The following CELF2 variants were observed in gnomAD, a reference collection of about 807,000 sequenced individuals.
CELF2 encodes the protein CUGBP Elav-like family member 2.
Under a neutral mutation model 62.6 loss-of-function variants are expected in CELF2, and 8 were observed. The observed-to-expected ratio is 0.13, with a 90% confidence interval of 0.07 to 0.23. The LOEUF is 0.23. Among genes scored for constraint, CELF2 ranks in the 10% least tolerant of loss-of-function variants. The pLI, the probability that CELF2 is intolerant of heterozygous loss-of-function variation, is 1.00. For synonymous variants in CELF2, 258 were observed against 250.0 expected (o/e 1.03, Z -0.30); for missense variants, 333 against 671.0 (o/e 0.50, Z 5.56).
the CELF2 span, among the ~76,000 whole-genome samples, chr10:10,602,113 C>T: frequency 6.6e-6 from 1 of 152,080 alleles, no homozygotes; most frequent in Non-Finnish European, 1.5e-5. Flanking sequence ...TGTATATGTA[C>T]AACATTTTCT....
chr10:11,245,651 A>G (rs1054628360), intron 3 of CELF2, among the ~76,000 whole-genome samples: 1 of 152,234 alleles, frequency 6.6e-6, no homozygotes, highest in African/African-American at 2.4e-5. Flanking sequence ...ACGGCAGCAC[A>G]AGCCAATTCT....
the CELF2 span, among the ~76,000 whole-genome samples, chr10:10,638,357 T>TTATC: frequency 1.4e-5 from 2 of 138,892 alleles, no homozygotes; most frequent in East Asian, 3.9e-4. Context: ...ACTCATTCAC[T>TTATC]TATCCATCCA....
chr10:10,617,531 G>A, the CELF2 span, among the ~76,000 whole-genome samples: 1 of 152,130 alleles, frequency 6.6e-6, no homozygotes, highest in Non-Finnish European at 1.5e-5. Flanking sequence ...CTTAGAGAGG[G>A]TGCCTAGCAC....
intron 8 of CELF2, among the ~76,000 whole-genome samples, chr10:11,286,143 G>A (rs1049160333): frequency 6.6e-6 from 1 of 152,240 alleles, no homozygotes; most frequent in African/African-American, 2.4e-5. Context: ...CTCCATGGCT[G>A]TGAGGCCTTG....
chr10:11,018,197 G>C (rs775096079), intron 1 of CELF2, 34 bp downstream of exon 1: 1 of 1,492,600 alleles, frequency 6.7e-7, no homozygotes, highest in Non-Finnish European at 9.0e-7. Context: ...CCGGGCGAGC[G>C]GGCGTCCTCC....
chr10:10,715,988 T>C, the CELF2 span, among the ~76,000 whole-genome samples: 2 of 152,212 alleles, frequency 1.3e-5, no homozygotes, highest in African/African-American at 4.8e-5. Context: ...TACAGTTCTC[T>C]CTGCATTTTA....
chr10:10,736,357 A>ATTCTTTCTTTCTTTCTTTCTTTCT, the CELF2 span, among the ~76,000 whole-genome samples: 42 of 109,664 alleles, frequency 3.8e-4, no homozygotes, highest in Non-Finnish European at 6.1e-4. Flanking sequence ...ACTGATTTCT[A>ATTCTTTCTTTCTTTCTTTCTTTCT]TTCTTTCTTT....
At chr10:10,673,759 G>GT in the CELF2 span, among the ~76,000 whole-genome samples, 1 of 152,052 alleles carries the variant, frequency 6.6e-6, no homozygotes, top group Non-Finnish European at 1.5e-5. Context: ...GGCTCAAAAT[G>GT]TTTTTTAAAT....
chr10:11,197,029 GAAA>G (rs1334566434), intron 2 of CELF2, among the ~76,000 whole-genome samples: 3 of 17,550 alleles, frequency 1.7e-4, no homozygotes, highest in African/African-American at 1.0e-3. Flanking sequence ...AGAAAGAAAA[GAAA>G]GAAAGAAAGA....
the CELF2 span, among the ~76,000 whole-genome samples, chr10:10,555,012 A>G: frequency 6.6e-6 from 1 of 152,202 alleles, no homozygotes; most frequent in Non-Finnish European, 1.5e-5. Flanking sequence ...TTCCAGGGGC[A>G]TTAAAAAGAG....
the CELF2 span, among the ~76,000 whole-genome samples, chr10:10,651,227 C>T: frequency 8.1e-6 from 1 of 124,212 alleles, no homozygotes; most frequent in African/African-American, 2.9e-5. Flanking sequence ...CCTATGCCCA[C>T]AGAATCTCGC....
the CELF2 span, among the ~76,000 whole-genome samples, chr10:10,780,838 G>T: frequency 2.0e-5 from 3 of 152,198 alleles, no homozygotes; most frequent in East Asian, 5.8e-4. Flanking sequence ...ATTTGCAGGG[G>T]TTTGTATTTG....
At chr10:11,107,196 T>A (rs1290918486) in intron 1 of CELF2, among the ~76,000 whole-genome samples, 1 of 152,158 alleles carries the variant, frequency 6.6e-6, no homozygotes, top group Non-Finnish European at 1.5e-5. Context: ...CCAACTCAGG[T>A]GTCCCTGAGG....
intron 2 of CELF2, among the ~76,000 whole-genome samples, chr10:11,210,093 C>T (rs1028220411): frequency 4.6e-5 from 7 of 152,120 alleles, no homozygotes; most frequent in Admixed American, 2.6e-4. Flanking sequence ...TCAAAGGCAG[C>T]GTGTAAAGGA....
chr10:11,088,668 G>A (rs926623726), intron 1 of CELF2, among the ~76,000 whole-genome samples: 8 of 152,202 alleles, frequency 5.3e-5, no homozygotes, highest in Admixed American at 2.6e-4. Context: ...TGTTGGGTGT[G>A]GTGGGTACTG....
At chr10:10,982,111 A>G (rs1423631655) in intron 2 of CELF2, among the ~76,000 whole-genome samples, 1 of 151,990 alleles carries the variant, frequency 6.6e-6, no homozygotes, top group Non-Finnish European at 1.5e-5. Flanking sequence ...GCCCACCACC[A>G]TGGCTGGCTA....
the CELF2 span, among the ~76,000 whole-genome samples, chr10:10,678,048 TGCAA>T: frequency 3.9e-5 from 6 of 152,174 alleles, no homozygotes; most frequent in Admixed American, 3.9e-4. Context: ...AGACTACTGG[TGCAA>T]GCCTGTGACA....
the CELF2 span, among the ~76,000 whole-genome samples, chr10:10,757,113 G>T: frequency 2.6e-5 from 4 of 151,844 alleles, no homozygotes; most frequent in African/African-American, 9.7e-5. Context: ...CTGCATTCCA[G>T]CCTGGGCAAC....
At chr10:11,257,604 C>T (rs755621910) in intron 4 of CELF2, 134 bp from the exon 5 acceptor site, 8 of 880,948 alleles carry the variant, frequency 9.1e-6, no homozygotes, top group African/African-American at 6.7e-5. Flanking sequence ...GACAGCTGGA[C>T]GTCTGCAGAG....
Sources: gnomAD v4.1 joint callset for allele counts (sites outside exome capture counted in the v4.1 genomes callset) on GRCh38, gnomAD v4.1.1 for gene constraint, MANE v1.5 for transcripts, NCBI Gene and HGNC (gene_info 2026-07-23, HGNC 2026-07-21) for gene names.